Variants in OR6C2 observed in about 807,000 individuals in gnomAD.
OR6C2 encodes olfactory receptor family 6 subfamily C member 2.
For synonymous variants in OR6C2, 146 were observed against 134.2 expected, an observed-to-expected ratio of 1.09 and a Z score of -0.61; for missense variants, 435 against 365.8, an observed-to-expected ratio of 1.19 and a Z score of -1.54.
chr12:55,448,196 T>A (rs1871397964), intron 1 of OR6C2, among the ~76,000 whole-genome samples: 1 of 151,864 alleles, frequency 6.6e-6, no homozygotes, highest in African/African-American at 2.4e-5. Context: ...TGCATTGTCT[T>A]TTTTATGCTA....
rs372565070 is a variant in OR6C2, at chr12:55,452,709, T to C, written c.496T>C (p.Phe166Leu). 6.2e-7 allele frequency: 1 copy of C among 1,613,746 alleles called. No homozygotes were observed. The highest frequency in any genetic ancestry group is 1.3e-5 in the African/African-American group (1 of 74,900). ...PPLSLGLQLEFCDSNAIDHFS... is the reference protein window; with the variant it reads ...PPLSLGLQLELCDSNAIDHFS... ...ACTTAGCTTAGGCCTCCAGCTCGAA[T>C]TCTGTGACTCCAATGCCATTGATCA... Residue 166 changes from phenylalanine to leucine, a missense_variant, in exon 2 of 2, where the codon TTC becomes CTC. By Grantham distance (22) the Phe-to-Leu change is conservative. Transcript: ENST00000641202.
At position 55,452,075 on chromosome 12, in the gene OR6C2, T is replaced by C. The variant is rs1871484222; in HGVS notation, c.-139T>C. On this transcript the variant is annotated 5_prime_UTR_variant, in exon 2 of 2. Coordinates refer to ENST00000641202, the MANE Select transcript of OR6C2 (RefSeq NM_054105.2). ...ATTGGAACACTGGCAACATTGATTA[T>C]TCTATAAAGGGAGAAAATAAAAGTA... is the stretch of plus-strand genomic sequence containing the variant. 1.8e-6 allele frequency: 1 copy of C among 545,946 alleles called. No homozygotes were observed. The allele number at this position is 545,946 out of a possible 1,614,324, so 33.8% of individuals were successfully genotyped here. A position where few individuals can be genotyped will look rare whatever the true frequency, so the allele number is the denominator to read the frequency against.
intron 1 of OR6C2, among the ~76,000 whole-genome samples, chr12:55,449,551 G>C (rs556162383): frequency 6.6e-6 from 1 of 151,870 alleles, no homozygotes; most frequent in South Asian, 2.1e-4. Flanking sequence ...CATATAATCT[G>C]TATGAATTCC....
In OR6C2 at chr12:55,452,433, G is replaced by A. The variant is rs1871496345; in HGVS notation, c.220G>A (p.Val74Ile). 1 of 1,613,388 alleles carries A rather than the reference G, an allele frequency of 6.2e-7. No individual in the cohort carries two copies. Among genetic ancestry groups the A allele is most frequent in the Non-Finnish European group, 8.5e-7 (1 of 1,179,510 alleles). ...FSFLEVSFTTVCIPRFLYNIS... is the reference protein window; with the variant it reads ...FSFLEVSFTTICIPRFLYNIS... Reference sequence around the variant, plus strand: ...CTTCTTAGAAGTCTCATTTACTACAGTCTGCATTCCCAGATTCTTGTACAA... The same window carrying A: ...CTTCTTAGAAGTCTCATTTACTACAATCTGCATTCCCAGATTCTTGTACAA... Residue 74 changes from valine to isoleucine, a missense_variant, in exon 2 of 2, where the codon GTC becomes ATC. Coordinates refer to ENST00000641202, the MANE Select transcript of OR6C2 (RefSeq NM_054105.2).
At chr12:55,446,625 T>C (rs1304546648) in intron 1 of OR6C2, among the ~76,000 whole-genome samples, 1 of 152,048 alleles carries the variant, frequency 6.6e-6, no homozygotes, top group African/African-American at 2.4e-5. Context: ...GAGAACTCCA[T>C]GCAATAAATG....
chr12:55,446,630 T>C (rs1012852825), intron 1 of OR6C2, among the ~76,000 whole-genome samples: 1 of 151,988 alleles, frequency 6.6e-6, no homozygotes, highest in African/African-American at 2.4e-5. Flanking sequence ...CTCCATGCAA[T>C]AAATGCACAC....
intron 1 of OR6C2, among the ~76,000 whole-genome samples, chr12:55,444,913 A>G (rs1246631852): frequency 6.6e-6 from 1 of 152,208 alleles, no homozygotes; most frequent in Non-Finnish European, 1.5e-5. Flanking sequence ...CATTGACTTT[A>G]TCTAACAAAG....
chr12:55,446,124 TTTCC>T lies in OR6C2; in HGVS notation c.-888+1984_-888+1987del, dbSNP rs202204014. On this transcript the variant is annotated intron_variant, in intron 1 of 1. Coordinates refer to ENST00000641202, the MANE Select transcript of OR6C2 (RefSeq NM_054105.2). ...CAGTAGTAATTTCCTTCTTTCCTTC[TTTCC>T]TTCCTTCCTTCCTTCCTTTCTTTCT... is the stretch of plus-strand genomic sequence containing the variant. 2.0e-3 allele frequency among the ~76,000 whole-genome samples: 289 copies of T among 142,874 alleles called. 1 individual carries two copies. The highest frequency in any genetic ancestry group is 6.5e-3 in the African/African-American group (244 of 37,426). The allele number at this position is 142,874 out of a possible 152,430, so 93.7% of individuals were successfully genotyped here.
chr12:55,453,341 G>T lies in OR6C2; in HGVS notation c.*189G>T. Reference sequence around the variant, plus strand: ...ATTTCGAACCAAGGTCATACATTGTGTTTTCCCTCATTGTGAAACTAAAAA... The same window carrying T: ...ATTTCGAACCAAGGTCATACATTGTTTTTTCCCTCATTGTGAAACTAAAAA... On this transcript the variant is annotated 3_prime_UTR_variant, in exon 2 of 2. Transcript: ENST00000641202. The T allele has an allele frequency of 1.9e-6, 1 of 514,382 alleles. No individual in the cohort carries two copies. The highest frequency in any genetic ancestry group is 3.4e-6 in the Non-Finnish European group (1 of 292,830). The allele number at this position is 514,382 out of a possible 1,614,324, so 31.9% of individuals were successfully genotyped here.
In OR6C2 at chr12:55,453,210, A is replaced by C; in HGVS notation, c.*58A>C. 1.6e-6 allele frequency: 2 copies of C among 1,240,026 alleles called. No homozygotes were observed. Among genetic ancestry groups the C allele is most frequent in the Non-Finnish European group, 2.3e-6 (2 of 877,754 alleles). 76.8% of individuals were successfully genotyped at this position (1,240,026 alleles called of 1,614,324 possible). The stretch of plus-strand genomic sequence containing the variant: ...GAAGGCTCCCTAAATGTCATCCTAC[A>C]GCTTTTAACTTATTTCATTGCTTCC... On this transcript the variant is annotated 3_prime_UTR_variant, in exon 2 of 2. Transcript: ENST00000641202.
intron 1 of OR6C2, among the ~76,000 whole-genome samples, chr12:55,444,656 C>T (rs1248976657): frequency 6.6e-6 from 1 of 152,112 alleles, no homozygotes; most frequent in African/African-American, 2.4e-5. Context: ...ACAAGACGAT[C>T]AAGGCGTAGA....
intron 1 of OR6C2, among the ~76,000 whole-genome samples, chr12:55,446,908 G>A (rs1365296027): frequency 2.0e-5 from 3 of 152,128 alleles, no homozygotes; most frequent in Non-Finnish European, 4.4e-5. Flanking sequence ...AAGTAGAAAA[G>A]GGCAAACCAT....
Position 55,452,757 on chromosome 12 carries a change from C to G in OR6C2, c.544C>G (p.Leu182Val). ...TCATTTTAGCTGTGATGCAGGTCCTCTCCTAAAGATCTCATGCTCAGATAC... is the reference window on the plus strand; with the variant it reads ...TCATTTTAGCTGTGATGCAGGTCCTGTCCTAAAGATCTCATGCTCAGATAC... ...IDHFSCDAGP[L>V]LKISCSDTWV... The change falls in exon 2 of 2, where the codon CTC becomes GTC. Residue 182 changes from leucine (L) to valine (V), a missense_variant. By Grantham distance (32) the Leu-to-Val change is conservative. Coordinates refer to ENST00000641202, the MANE Select transcript of OR6C2 (RefSeq NM_054105.2). 6.2e-7 allele frequency: 1 copy of G among 1,613,872 alleles called. No homozygotes were observed. Among genetic ancestry groups the G allele is most frequent in the Non-Finnish European group, 8.5e-7 (1 of 1,179,852 alleles).
In OR6C2 at chr12:55,453,038, T is replaced by G; in HGVS notation, c.825T>G (p.Leu275=). Residue 275 remains leucine, a synonymous_variant, in exon 2 of 2, where the codon CTT becomes CTG. Transcript: ENST00000641202. ...EVAINKGVSV[L]TTSVAPLLNP... is the part of the protein sequence containing the mutation. ...CCATAAATAAAGGAGTTTCAGTTCT[T>G]ACTACTTCTGTCGCACCCTTGTTGA... The G allele has an allele frequency of 6.2e-7, 1 of 1,613,558 alleles. No homozygotes were observed. The highest frequency in any genetic ancestry group is 8.5e-7 in the Non-Finnish European group (1 of 1,179,668).
chr12:55,445,083 A>G (rs1349448772), intron 1 of OR6C2, among the ~76,000 whole-genome samples: 2 of 152,188 alleles, frequency 1.3e-5, no homozygotes, highest in Non-Finnish European at 2.9e-5. Flanking sequence ...ATCAAAGGCA[A>G]CAGTTTTAGT....
intron 1 of OR6C2, among the ~76,000 whole-genome samples, chr12:55,448,954 A>G (rs1056226204): frequency 5.9e-5 from 9 of 151,884 alleles, no homozygotes; most frequent in Non-Finnish European, 1.0e-4. Context: ...AACACTCCTC[A>G]CTGAGGTTGG....
At chr12:55,450,080 T>C (rs1193450834) in intron 1 of OR6C2, among the ~76,000 whole-genome samples, 2 of 152,028 alleles carry the variant, frequency 1.3e-5, no homozygotes, top group Non-Finnish European at 2.9e-5. Context: ...CCAAGAACCC[T>C]ACATAGGCCA....
In OR6C2 at chr12:55,452,689, G is replaced by C. The variant is rs776335106; in HGVS notation, c.476G>C (p.Ser159Thr). The C allele has an allele frequency of 6.2e-7, 1 of 1,613,720 alleles. No individual in the cohort carries two copies. The highest frequency in any genetic ancestry group is 1.7e-5 in the Admixed American group (1 of 59,936). The change falls in exon 2 of 2, where the codon AGC becomes ACC. Residue 159 changes from serine (S) to threonine (T), a missense_variant. Transcript: ENST00000641202. ...AGLMIIVPPL[S>T]LGLQLEFCDS... ...TTGATGATCATTGTTCCACCACTTA[G>C]CTTAGGCCTCCAGCTCGAATTCTGT...
chr12:55,445,658 G>T (rs1166409699), intron 1 of OR6C2, among the ~76,000 whole-genome samples: 1 of 152,158 alleles, frequency 6.6e-6, no homozygotes, highest in Non-Finnish European at 1.5e-5. Flanking sequence ...GGTCAGAGAT[G>T]ACATGAACAA....
Sources: allele counts gnomAD v4.1 joint callset (sites outside exome capture counted in the v4.1 genomes callset), GRCh38; gene constraint gnomAD v4.1.1; transcripts MANE v1.5; gene names NCBI Gene and HGNC (gene_info 2026-07-23, HGNC 2026-07-21).